NUP98: variants seen among roughly 807,000 people sequenced by gnomAD.
NUP98 encodes nucleoporin 98 and 96 precursor.
NUP98 carries 26 observed loss-of-function variants against 191.9 expected under a neutral mutation model. The ratio of observed to expected loss-of-function variants is 0.14; its 90% CI spans 0.10 to 0.19. The LOEUF (loss-of-function observed/expected upper bound fraction) is 0.19, where lower values mean the gene tolerates loss of function less well. Among genes scored for constraint, NUP98 ranks in the 10% least tolerant of loss-of-function variants. The probability of loss-of-function intolerance (pLI) is 1.00; values close to 1 mark genes in which losing one functional copy is unlikely to be tolerated. For missense variants in NUP98, 1,941 were observed against 2,178.8 expected (o/e 0.89, Z 2.17); for synonymous variants, 808 against 778.4 (o/e 1.04, Z -0.63).
chr11:3,732,515 AT>A (rs1180100429), intron 13 of NUP98, among the ~76,000 whole-genome samples: 2 of 152,234 alleles, frequency 1.3e-5, no homozygotes, highest in African/African-American at 4.8e-5. Context: ...TTCAACTTCT[AT>A]GTAATGCAAG....
chr11:3,691,594 C>T, intron 27 of NUP98, 105 bp from the exon 28 acceptor site: 2 of 1,154,168 alleles, frequency 1.7e-6, no homozygotes. Context: ...CACTCTGTCA[C>T]CCAGGCTGGA....
chr11:3,759,448 T>C (rs902272932), intron 10 of NUP98, among the ~76,000 whole-genome samples: 2 of 151,924 alleles, frequency 1.3e-5, no homozygotes, highest in African/African-American at 4.8e-5. Context: ...AACACAAAAA[T>C]TAGCCAGGCA....
At chr11:3,781,980 G>T in intron 2 of NUP98, 62 bp downstream of exon 2, 1 of 1,082,800 alleles carries the variant, frequency 9.2e-7, no homozygotes, top group Non-Finnish European at 1.4e-6. Flanking sequence ...TTATCAGAGT[G>T]GATTTGTTCT....
At chr11:3,752,467 A>C (rs2080798206) in intron 11 of NUP98, among the ~76,000 whole-genome samples, 1 of 152,018 alleles carries the variant, frequency 6.6e-6, no homozygotes, top group Non-Finnish European at 1.5e-5. Context: ...CAGTGAGCTG[A>C]GACTGCACCA....
chr11:3,717,432 T>C (rs2079225104), intron 18 of NUP98, among the ~76,000 whole-genome samples: 1 of 152,232 alleles, frequency 6.6e-6, no homozygotes, highest in Non-Finnish European at 1.5e-5. Flanking sequence ...TTTATTTGTG[T>C]ATATTTTATT....
In NUP98 at chr11:3,702,565, G is replaced by C. The variant is rs200546169; in HGVS notation, c.3410C>G (p.Ala1137Gly). ...RVGWGPNWTL[A>G]NSGEQLNGSH... ...GCCATTCAGCTGTTCTCCACTATTA[G>C]CAAGAGTCCAGTTGGGGCCCCAACC... The change falls in exon 23 of 33, where the codon GCT (alanine) becomes GGT (glycine). Residue 1137 changes from alanine to glycine, a missense_variant. Physicochemically the swap from Ala to Gly is moderately conservative, Grantham distance 60. Coordinates refer to ENST00000324932, the MANE Select transcript of NUP98 (RefSeq NM_016320.5). 6.2e-7 allele frequency: 1 copy of C among 1,614,016 alleles called. No homozygotes were observed. The highest frequency in any genetic ancestry group is 8.5e-7 in the Non-Finnish European group (1 of 1,179,992).
intron 16 of NUP98, among the ~76,000 whole-genome samples, chr11:3,722,197 T>C (rs2079429554): frequency 6.7e-6 from 1 of 150,002 alleles, no homozygotes; most frequent in African/African-American, 2.5e-5. Flanking sequence ...CACTGCAACC[T>C]TGAATCCTGG....
intron 31 of NUP98, among the ~76,000 whole-genome samples, chr11:3,679,024 G>T (rs2077905894): frequency 6.6e-6 from 1 of 151,682 alleles, no homozygotes; most frequent in Admixed American, 6.6e-5. Flanking sequence ...TTGGGAGGCT[G>T]GGGCATGAGA....
intron 10 of NUP98, among the ~76,000 whole-genome samples, chr11:3,754,941 CAAA>C (rs34606573): frequency 1.5e-5 from 1 of 66,232 alleles, no homozygotes. Context: ...GACACTATCT[CAAA>C]AAAAAAAAAA....
chr11:3,705,241 A>G lies in NUP98; in HGVS notation c.3041T>C (p.Leu1014Pro). 1 of 1,614,164 alleles carries G rather than the reference A, an allele frequency of 6.2e-7. No homozygotes were observed. The highest frequency in any genetic ancestry group is 8.5e-7 in the Non-Finnish European group (1 of 1,180,020). Residue 1014 changes from leucine (L) to proline (P), a missense_variant, in exon 22 of 33, where the codon CTC becomes CCC. Transcript: ENST00000324932. Reference sequence around the variant, plus strand: ...CGACGAGTGGGATGCTGAAATGGGGAGTCTGGGAGAACAGATTTCTTGAGA... The same window carrying G: ...CGACGAGTGGGATGCTGAAATGGGGGGTCTGGGAGAACAGATTTCTTGAGA... ...DTSQEICSPR[L>P]PISASHSSKT...
chr11:3,741,447 C>G (rs1490114347), intron 12 of NUP98, among the ~76,000 whole-genome samples: 1 of 151,904 alleles, frequency 6.6e-6, no homozygotes, highest in African/African-American at 2.4e-5. Context: ...CATGGTGAAA[C>G]CCCATCTCTA....
chr11:3,736,097 T>C (rs1426540773), intron 12 of NUP98, among the ~76,000 whole-genome samples: 1 of 145,768 alleles, frequency 6.9e-6, no homozygotes, highest in Non-Finnish European at 1.5e-5. Context: ...TGTGTGTGTG[T>C]GTTTTGTTTT....
chr11:3,760,478 T>C (rs1198399996), intron 10 of NUP98, 61 bp downstream of exon 10: 1 of 1,613,858 alleles, frequency 6.2e-7, no homozygotes, highest in Non-Finnish European at 8.5e-7. Context: ...AACCTGCTTT[T>C]TATATGTACC....
intron 13 of NUP98, among the ~76,000 whole-genome samples, chr11:3,732,156 G>C (rs1331206710): frequency 6.6e-6 from 1 of 152,168 alleles, no homozygotes; most frequent in Non-Finnish European, 1.5e-5. Flanking sequence ...GCTAAGGCAT[G>C]GGAATCGCTT....
chr11:3,762,015 A>T (rs2081188283), intron 9 of NUP98, among the ~76,000 whole-genome samples: 1 of 152,278 alleles, frequency 6.6e-6, no homozygotes, highest in African/African-American at 2.4e-5. Context: ...AATTTTCTCA[A>T]TTTCTTACCT....
chr11:3,775,876 A>G lies in NUP98; in HGVS notation c.495+6T>C, dbSNP rs567345387. 3.1e-6 allele frequency: 5 copies of G among 1,606,946 alleles called. No homozygotes were observed. The East Asian group carries it at 8.9e-5, about 29-fold the overall frequency. On this transcript the variant is annotated splice_donor_region_variant and intron_variant, in intron 5 of 32. Coordinates refer to ENST00000324932, the MANE Select transcript of NUP98 (RefSeq NM_016320.5). ...CATTCCACAAAGATTGGAAGAAAAT[A>G]CATACGTTAAATTTAATAGTAGTCC...
intron 12 of NUP98, among the ~76,000 whole-genome samples, chr11:3,735,854 C>T (rs1030654362): frequency 1.4e-4 from 19 of 133,884 alleles, no homozygotes; most frequent in African/African-American, 3.1e-4. Flanking sequence ...TGTGTGCGTG[C>T]GTGTATGTAA....
At chr11:3,777,458 T>G (rs1422473816) in intron 4 of NUP98, among the ~76,000 whole-genome samples, 1 of 151,104 alleles carries the variant, frequency 6.6e-6, no homozygotes, top group East Asian at 2.0e-4. Flanking sequence ...CCATCTCTAC[T>G]AAAAATACAA....
chr11:3,743,025 CTTTTT>C lies in NUP98; in HGVS notation c.1408+1479_1408+1483del, dbSNP rs545235961. On this transcript the variant is annotated intron_variant, in intron 12 of 32. Coordinates refer to ENST00000324932, the MANE Select transcript of NUP98 (RefSeq NM_016320.5). ...TAATTTTCTTTTCTTTTACTTTTTT[CTTTTT>C]TTTGTTGAGACGGACTCCCACTCTG... Among the ~76,000 whole-genome samples, 326 of 151,516 alleles carry C rather than the reference CTTTTT, an allele frequency of 2.2e-3. 1 individual carries two copies. Among genetic ancestry groups the C allele is most frequent in the African/African-American group, 7.3e-3 (304 of 41,380 alleles).
Sources: allele counts gnomAD v4.1 joint callset (sites outside exome capture counted in the v4.1 genomes callset), GRCh38; gene constraint gnomAD v4.1.1; transcripts MANE v1.5; gene names NCBI Gene and HGNC (gene_info 2026-07-23, HGNC 2026-07-21).